SLC8A1: variants seen among roughly 807,000 people sequenced by gnomAD.
SLC8A1 encodes sodium/calcium exchanger 1.
In SLC8A1, 18 loss-of-function variants were observed where a neutral mutation model predicts 68.3. The observed-to-expected ratio is 0.26, with a 90% confidence interval of 0.18 to 0.39. The LOEUF is 0.39. Among genes scored for constraint, SLC8A1 ranks in the 10% least tolerant of loss-of-function variants. The pLI, the probability that SLC8A1 is intolerant of heterozygous loss-of-function variation, is 1.00. For synonymous variants in SLC8A1, 475 were observed against 415.5 expected (o/e 1.14, Z -1.74); for missense variants, 985 against 1,156.7 (o/e 0.85, Z 2.15).
intron 2 of SLC8A1, among the ~76,000 whole-genome samples, chr2:40,193,738 G>C (rs946033276): frequency 6.6e-6 from 1 of 152,048 alleles, no homozygotes; most frequent in East Asian, 1.9e-4. Context: ...CTAGAATAAA[G>C]CTTGTATTGT....
intron 2 of SLC8A1, among the ~76,000 whole-genome samples, chr2:40,388,168 A>G (rs997445867): frequency 5.9e-5 from 9 of 152,170 alleles, no homozygotes; most frequent in Admixed American, 4.6e-4. Context: ...AGAAATCATC[A>G]AAACCCGCTT....
At chr2:40,330,315 G>C (rs962960931) in intron 2 of SLC8A1, among the ~76,000 whole-genome samples, 3 of 152,112 alleles carry the variant, frequency 2.0e-5, no homozygotes, top group African/African-American at 4.8e-5. Flanking sequence ...GTGTCATCAA[G>C]GCCAGTCCTT....
intron 2 of SLC8A1, among the ~76,000 whole-genome samples, chr2:40,356,545 A>G (rs1672713781): frequency 6.6e-6 from 1 of 152,222 alleles, no homozygotes; most frequent in Admixed American, 6.6e-5. Context: ...CTGCCTTTCA[A>G]AGATATTGGA....
intron 4 of SLC8A1, 138 bp from the exon 7 acceptor site, chr2:40,170,487 A>G: frequency 1.4e-6 from 1 of 712,774 alleles, no homozygotes; most frequent in Middle Eastern, 2.4e-4. Flanking sequence ...TTCAATGATC[A>G]TAGGTCACCC....
intron 2 of SLC8A1, among the ~76,000 whole-genome samples, chr2:40,424,147 C>T (rs566693376): frequency 3.0e-4 from 45 of 151,866 alleles, no homozygotes; most frequent in Non-Finnish European, 6.2e-4. Context: ...TTAGTATGTG[C>T]TAACAGCCTT....
At chr2:40,266,039 A>G (rs1259376081) in intron 2 of SLC8A1, among the ~76,000 whole-genome samples, 1 of 152,192 alleles carries the variant, frequency 6.6e-6, no homozygotes, top group African/African-American at 2.4e-5. Context: ...CCTAACTTCA[A>G]CAATGGGAGA....
At chr2:40,117,637 C>G (rs2035780063) in intron 7 of SLC8A1, among the ~76,000 whole-genome samples, 1 of 151,846 alleles carries the variant, frequency 6.6e-6, no homozygotes, top group African/African-American at 2.4e-5. Context: ...ATATTAATAA[C>G]TGTCAAATTG....
At chr2:40,221,079 A>C (rs1372704140) in intron 2 of SLC8A1, among the ~76,000 whole-genome samples, 1 of 152,058 alleles carries the variant, frequency 6.6e-6, no homozygotes, top group South Asian at 2.1e-4. Flanking sequence ...ACAACAACAA[A>C]AAAGAAAATT....
At chr2:40,319,543 T>C (rs2074928660) in intron 2 of SLC8A1, among the ~76,000 whole-genome samples, 1 of 152,066 alleles carries the variant, frequency 6.6e-6, no homozygotes, top group African/African-American at 2.4e-5. Context: ...CAAAACACGT[T>C]TTCTGAACAA....
At chr2:40,512,207 G>C (rs935856893) in intron 1 of SLC8A1, 4 of 149,712 alleles carry the variant, frequency 2.7e-5, no homozygotes, top group African/African-American at 9.9e-5. Flanking sequence ...TTAGTCACTA[G>C]CTCCAACCTA....
At chr2:40,495,759 G>C (rs1310702897) in intron 1 of SLC8A1, among the ~76,000 whole-genome samples, 1 of 152,018 alleles carries the variant, frequency 6.6e-6, no homozygotes, top group Non-Finnish European at 1.5e-5. Flanking sequence ...CTTGTGACAG[G>C]ATTGGAACTT....
At chr2:40,260,454 G>C (rs381627) in intron 2 of SLC8A1, among the ~76,000 whole-genome samples, 25,087 of 152,018 alleles carry the variant, frequency 0.17, 2,356 homozygotes, top group Admixed American at 0.3. Context: ...TACTCTGATT[G>C]ACTTAGGCTG....
exon 8 of SLC8A1, chr2:40,115,218 GTA>G: frequency 7.4e-7 from 1 of 1,355,474 alleles, no homozygotes; most frequent in Non-Finnish European, 1.0e-6. Flanking sequence ...GTATATATAT[GTA>G]TATATATAAA....
chr2:40,486,717 ATTTC>A (rs1384411874), intron 1 of SLC8A1, among the ~76,000 whole-genome samples: 1 of 150,692 alleles, frequency 6.6e-6, no homozygotes, highest in Admixed American at 6.6e-5. Flanking sequence ...GTTTTTTTTA[ATTTC>A]TTTTTTTTTT....
intron 1 of SLC8A1, among the ~76,000 whole-genome samples, chr2:40,461,405 G>C (rs1177867417): frequency 1.3e-5 from 2 of 152,090 alleles, no homozygotes; most frequent in Non-Finnish European, 2.9e-5. Context: ...TGCTCCCACT[G>C]CCTGTCCCCC....
chr2:40,124,910 T>C (rs1250464988), intron 7 of SLC8A1, among the ~76,000 whole-genome samples: 1 of 152,184 alleles, frequency 6.6e-6, no homozygotes, highest in African/African-American at 2.4e-5. Context: ...TGGGTAAATA[T>C]TTGCTATATA....
chr2:40,385,316 C>G (rs1040203942), intron 2 of SLC8A1, among the ~76,000 whole-genome samples: 1 of 151,598 alleles, frequency 6.6e-6, no homozygotes, highest in Non-Finnish European at 1.5e-5. Flanking sequence ...CTGGGCTTTT[C>G]TCCTTCTCCT....
At chr2:40,484,559 G>A (rs368864034) in intron 1 of SLC8A1, among the ~76,000 whole-genome samples, 1 of 152,258 alleles carries the variant, frequency 6.6e-6, no homozygotes, top group African/African-American at 2.4e-5. Flanking sequence ...GCTATCACCC[G>A]AATCTAACGC....
chr2:40,120,801 G>C (rs1266173902), intron 7 of SLC8A1: 1 of 152,162 alleles, frequency 6.6e-6, no homozygotes, highest in Non-Finnish European at 1.5e-5. Flanking sequence ...TTAAAATTAG[G>C]TAAGAAATGT....
Sources: gnomAD v4.1 joint callset for allele counts (sites outside exome capture counted in the v4.1 genomes callset) on GRCh38, gnomAD v4.1.1 for gene constraint, MANE v1.5 for transcripts, NCBI Gene and HGNC (gene_info 2026-07-23, HGNC 2026-07-21) for gene names.